The following RBFOX1 variants were observed in gnomAD, a reference collection of about 807,000 sequenced individuals.
RBFOX1 encodes the protein RNA binding protein fox-1 homolog 1.
RBFOX1 carries 8 observed loss-of-function variants against 57.7 expected under a neutral mutation model. That is an observed-to-expected ratio of 0.14 (90% confidence interval 0.08 to 0.25). The LOEUF is 0.25. Among genes scored for constraint, RBFOX1 ranks in the 10% least tolerant of loss-of-function variants. The probability of loss-of-function intolerance (pLI) is 1.00; values close to 1 mark genes in which losing one functional copy is unlikely to be tolerated. For missense variants in RBFOX1, 611 were observed against 548.5 expected (o/e 1.11, Z -1.14); for synonymous variants, 326 against 222.4 (o/e 1.47, Z -4.15).
Position 6,877,631 on chromosome 16 carries a change from A to G in RBFOX1, c.-15-174426A>G, listed in dbSNP as rs531831316. On this transcript the variant is annotated intron_variant, in intron 3 of 15. Coordinates refer to ENST00000550418, the MANE Select transcript of RBFOX1 (RefSeq NM_018723.4). ...GCATTTGCATATTGCTTTAGAGTTC[A>G]CAAAGCATTTTTACGGACAAGCCCA... is the stretch of plus-strand genomic sequence containing the variant. Among the ~76,000 whole-genome samples, 5 of 152,336 alleles carry G rather than the reference A, an allele frequency of 3.3e-5. No individual in the cohort carries two copies. The South Asian group carries it at 1.0e-3, about 32-fold the overall frequency.
chr16:5,744,832 A>G (rs942079052), intron 3 of RBFOX1, among the ~76,000 whole-genome samples: 1 of 152,080 alleles, frequency 6.6e-6, no homozygotes, highest in Non-Finnish European at 1.5e-5. Context: ...ATCTCAGCTC[A>G]CTGCAACTTC....
chr16:5,712,162 A>C (rs1045541072), intron 3 of RBFOX1, among the ~76,000 whole-genome samples: 2 of 152,158 alleles, frequency 1.3e-5, no homozygotes, highest in Non-Finnish European at 2.9e-5. Flanking sequence ...GCATAGGCGA[A>C]AACTGCCCCC....
chr16:5,980,754 G>A (rs780939458), intron 4 of RBFOX1, among the ~76,000 whole-genome samples: 10 of 152,248 alleles, frequency 6.6e-5, no homozygotes, highest in African/African-American at 1.2e-4. Flanking sequence ...GTGTGTGTGC[G>A]TCTGTGAATG....
intron 3 of RBFOX1, among the ~76,000 whole-genome samples, chr16:5,851,519 C>T (rs1212839720): frequency 3.3e-5 from 5 of 152,190 alleles, no homozygotes; most frequent in Admixed American, 6.5e-5. Context: ...GCTCAGGGGT[C>T]ACTGGGCAGG....
At chr16:5,343,570 C>A (rs967966851) in intron 1 of RBFOX1, among the ~76,000 whole-genome samples, 6 of 152,072 alleles carry the variant, frequency 3.9e-5, no homozygotes, top group African/African-American at 1.4e-4. Context: ...ATCTACCTGC[C>A]TTGGCCTCCC....
chr16:7,509,512 A>G (rs1295996986), intron 4 of RBFOX1, among the ~76,000 whole-genome samples: 8 of 151,824 alleles, frequency 5.3e-5, no homozygotes, highest in Non-Finnish European at 1.5e-5. Context: ...GCTACTCATC[A>G]TTGGTCCCAT....
At chr16:6,814,248 G>T (rs1216200522) in intron 3 of RBFOX1, among the ~76,000 whole-genome samples, 1 of 133,008 alleles carries the variant, frequency 7.5e-6, no homozygotes, top group African/African-American at 2.8e-5. Flanking sequence ...AGAAAATTGT[G>T]GTGGGGGGGA....
chr16:6,117,493 G>A (rs919743646), intron 1 of RBFOX1, among the ~76,000 whole-genome samples: 5 of 152,244 alleles, frequency 3.3e-5, no homozygotes, highest in African/African-American at 9.6e-5. Context: ...CCATTCAGAT[G>A]CCATTAGGCC....
chr16:6,190,219 G>C (rs1415781791), intron 1 of RBFOX1, among the ~76,000 whole-genome samples: 1 of 152,186 alleles, frequency 6.6e-6, no homozygotes, highest in Non-Finnish European at 1.5e-5. Context: ...ATGAATGAAT[G>C]AAGGGCAGTT....
chr16:7,406,958 T>G (rs1597640388), intron 4 of RBFOX1, among the ~76,000 whole-genome samples: 1 of 152,204 alleles, frequency 6.6e-6, no homozygotes, highest in East Asian at 1.9e-4. Flanking sequence ...TCTCTGTCTC[T>G]GCCTCTGCGT....
At chr16:6,010,865 T>G (rs957259549) in intron 4 of RBFOX1, among the ~76,000 whole-genome samples, 3 of 152,220 alleles carry the variant, frequency 2.0e-5, no homozygotes, top group African/African-American at 7.2e-5. Context: ...TCTTTAGTGG[T>G]TCATGTGTCT....
intron 1 of RBFOX1, among the ~76,000 whole-genome samples, chr16:6,310,682 A>G (rs2080148387): frequency 6.6e-6 from 1 of 152,192 alleles, no homozygotes; most frequent in Non-Finnish European, 1.5e-5. Context: ...GTCAAACTGT[A>G]CTGTCACTCA....
intron 4 of RBFOX1, among the ~76,000 whole-genome samples, chr16:7,203,087 A>T (rs902552010): frequency 6.6e-6 from 1 of 152,172 alleles, no homozygotes; most frequent in South Asian, 2.1e-4. Context: ...CACCCAGCCA[A>T]AGAAATGTTT....
chr16:7,328,465 G>A (rs566245969), intron 4 of RBFOX1, among the ~76,000 whole-genome samples: 60 of 118,628 alleles, frequency 5.1e-4, no homozygotes, highest in African/African-American at 1.8e-3. Context: ...GGGACAGAGC[G>A]AGACTCTGTC....
intron 4 of RBFOX1, among the ~76,000 whole-genome samples, chr16:5,986,059 C>CTT: frequency 7.3e-6 from 1 of 136,196 alleles, no homozygotes. Context: ...TTTTTCTTTA[C>CTT]TTTTTTTTTT....
chr16:5,944,493 G>C (rs755610130), intron 4 of RBFOX1, among the ~76,000 whole-genome samples: 22 of 152,096 alleles, frequency 1.4e-4, no homozygotes, highest in Non-Finnish European at 7.4e-5. Context: ...ACTTCTCAGT[G>C]GAGAAAGCAA....
chr16:6,434,344 G>T (rs1465677566), intron 2 of RBFOX1, among the ~76,000 whole-genome samples: 2 of 152,036 alleles, frequency 1.3e-5, no homozygotes, highest in African/African-American at 4.8e-5. Flanking sequence ...AATGGCCAAG[G>T]CTTCCTTACT....
chr16:5,660,027 A>G (rs1216557204), intron 3 of RBFOX1, among the ~76,000 whole-genome samples: 1 of 152,164 alleles, frequency 6.6e-6, no homozygotes, highest in Non-Finnish European at 1.5e-5. Flanking sequence ...TATGAATTTA[A>G]AAACATCCTG....
intron 3 of RBFOX1, among the ~76,000 whole-genome samples, chr16:6,789,974 C>T (rs1392528576): frequency 1.3e-5 from 2 of 151,476 alleles, no homozygotes; most frequent in Admixed American, 6.6e-5. Flanking sequence ...CCGTAACTTA[C>T]TGGTTTCTTA....
Sources: gnomAD v4.1 joint callset for allele counts (sites outside exome capture counted in the v4.1 genomes callset) on GRCh38, gnomAD v4.1.1 for gene constraint, MANE v1.5 for transcripts, NCBI Gene and HGNC (gene_info 2026-07-23, HGNC 2026-07-21) for gene names.